The following PANX3 variants were observed in gnomAD, a reference collection of about 807,000 sequenced individuals.
PANX3 encodes the protein pannexin 3, also known as pannexin-3.
PANX3 carries 18 observed loss-of-function variants against 31.5 expected under a neutral mutation model. The observed-to-expected ratio is 0.57, with a 90% CI of 0.39 to 0.85. PANX3 has a LOEUF of 0.85. Among genes scored for constraint, PANX3 ranks in the 40% least tolerant of loss-of-function variants. PANX3 has a pLI of 0.00. For synonymous variants in PANX3, 194 were observed against 201.6 expected (o/e 0.96, Z 0.32); for missense variants, 426 against 485.4 (o/e 0.88, Z 1.15).
chr11:124,617,223 TCGGGGTCTCAGCAGCCC>T, intron 2 of PANX3, 34 bp from the exon 3 acceptor site: 1 of 1,415,696 alleles, frequency 7.1e-7, no homozygotes, highest in Non-Finnish European at 9.7e-7. Context: ...GCACTGTCAC[TCGGGGTCTCAGCAGCCC>T]CGGCCTCCCT....
In PANX3 at chr11:124,618,658, T is replaced by G. The variant is rs7926158; in HGVS notation, c.540-638T>G. ...ATGTACTTTTTTTGGAGTGGGGGGGTGGGGGAGACAGGGTCTCACTCTGTT... is the reference window on the plus strand; with the variant it reads ...ATGTACTTTTTTTGGAGTGGGGGGGGGGGGGAGACAGGGTCTCACTCTGTT... On this transcript the variant is annotated intron_variant, in intron 3 of 3. Coordinates refer to ENST00000284288, the MANE Select transcript of PANX3 (RefSeq NM_052959.3). 1.7e-4 allele frequency among the ~76,000 whole-genome samples: 25 copies of G among 151,060 alleles called. No homozygotes were observed. The East Asian group carries it at 4.5e-3, about 27-fold the overall frequency.
Position 124,619,551 on chromosome 11 carries a change from A to C in PANX3, c.795A>C (p.Ser265=). Reference sequence around the variant, plus strand: ...ATCTGATCACATGCAGGCTGACATCACTGTCCATTTTCCAGATTGTTAGCC... The same window carrying C: ...ATCTGATCACATGCAGGCTGACATCCCTGTCCATTTTCCAGATTGTTAGCC... The part of the protein sequence containing the change: ...VPNLITCRLT[S]LSIFQIVSLS... The change falls in exon 4 of 4, where the codon TCA becomes TCC. Residue 265 remains serine (S), a synonymous_variant. Transcript: ENST00000284288. The C allele has an allele frequency of 1.2e-6, 2 of 1,614,184 alleles. No individual in the cohort carries two copies. Among genetic ancestry groups the C allele is most frequent in the Non-Finnish European group, 1.7e-6 (2 of 1,180,046 alleles).
At chr11:124,612,826 C>T (rs1039845927) in intron 1 of PANX3, among the ~76,000 whole-genome samples, 154 bp from the exon 2 acceptor site, 2 of 152,164 alleles carry the variant, frequency 1.3e-5, no homozygotes, top group South Asian at 2.1e-4. Context: ...CCTGTCCTAC[C>T]GTGACATGGC....
rs1414247794 is a variant in PANX3, at chr11:124,616,879, C to T, written c.325-395C>T. Among the ~76,000 whole-genome samples the T allele has an allele frequency of 6.6e-6, 1 of 152,022 alleles. No homozygotes were observed. The highest frequency in any genetic ancestry group is 1.5e-5 in the Non-Finnish European group (1 of 67,990). Reference sequence around the variant, plus strand: ...TTGAGGGAGGTAGGCAGATGGCTCTCTCTCTCCTTTTCTCTCTCTCTCTCT... The same window carrying T: ...TTGAGGGAGGTAGGCAGATGGCTCTTTCTCTCCTTTTCTCTCTCTCTCTCT... On this transcript the variant is annotated intron_variant, in intron 2 of 3. Coordinates refer to ENST00000284288, the MANE Select transcript of PANX3 (RefSeq NM_052959.3). The surrounding 1 kb of genome is among the most constrained non-coding windows in gnomAD (Gnocchi z 4.8).
Position 124,619,470 on chromosome 11 carries a change from A to T in PANX3, c.714A>T (p.Glu238Asp). Residue 238 changes from glutamate to aspartate, a missense_variant, in exon 4 of 4, where the codon GAA (glutamate) becomes GAT (aspartate). By Grantham distance (45) the Glu-to-Asp change is conservative. Transcript: ENST00000284288. ...GHFHLDVFFQ[E>D]EFSCSIKTGL... ...TCCATCTGGATGTCTTCTTCCAGGA[A>T]GAATTCAGCTGCTCCATCAAGACAG... The T allele has an allele frequency of 6.2e-7, 1 of 1,614,196 alleles. No individual in the cohort carries two copies. The highest frequency in any genetic ancestry group is 8.5e-7 in the Non-Finnish European group (1 of 1,180,042).
At chr11:124,618,402 G>C (rs1336738579) in intron 3 of PANX3, among the ~76,000 whole-genome samples, 1 of 152,132 alleles carries the variant, frequency 6.6e-6, no homozygotes, top group Admixed American at 6.5e-5. Context: ...AGCCACTGTG[G>C]TTTGTGTCCA....
At position 124,620,146 on chromosome 11, in the gene PANX3, G is replaced by A. The variant is rs561936547; in HGVS notation, c.*211G>A. ...TAAATGTGAAAGCTGGAGCCGAAGA[G>A]TCAAAGAGCTAAAAAATTAAGTCTA... On this transcript the variant is annotated 3_prime_UTR_variant, in exon 4 of 4. Transcript: ENST00000284288. The A allele has an allele frequency of 1.5e-5, 9 of 581,872 alleles. No individual in the cohort carries two copies. The highest frequency in any genetic ancestry group is 7.2e-5 in the Admixed American group (2 of 27,782). The allele number at this position is 581,872 out of a possible 1,614,324, so 36.0% of individuals were successfully genotyped here.
chr11:124,613,148 G>A, intron 2 of PANX3, 26 bp downstream of exon 2: 2 of 1,607,562 alleles, frequency 1.2e-6, no homozygotes, highest in Non-Finnish European at 1.7e-6. Flanking sequence ...TGTAAGGCCA[G>A]CTTCACGGCT....
rs760385988 is a variant in PANX3 at position 124,619,689 on chromosome 11, T to C, written c.933T>C (p.Phe311=). The C allele has an allele frequency of 1.2e-6, 2 of 1,614,228 alleles. No homozygotes were observed. The highest frequency in any genetic ancestry group is 1.1e-5 in the South Asian group (1 of 91,078). The part of the protein sequence containing the change: ...LLSVYEMLPA[F]DLLSRKMLGC... ...CTGTCTATGAGATGCTCCCAGCTTTTGATCTCCTCAGCAGAAAGATGCTAG... is the reference window on the plus strand; with the variant it reads ...CTGTCTATGAGATGCTCCCAGCTTTCGATCTCCTCAGCAGAAAGATGCTAG... Residue 311 remains phenylalanine, a synonymous_variant, in exon 4 of 4, where the codon TTT becomes TTC. Coordinates refer to ENST00000284288, the MANE Select transcript of PANX3 (RefSeq NM_052959.3).
chr11:124,617,395 A>T lies in PANX3; in HGVS notation c.446A>T (p.Lys149Ile). Residue 149 changes from lysine to isoleucine, a missense_variant, in exon 3 of 4, where the codon AAA (lysine) becomes ATA (isoleucine). By Grantham distance (102) the Lys-to-Ile change is moderately radical. Transcript: ENST00000284288. The stretch of plus-strand genomic sequence containing the variant: ...CTGTTCATCATCAGCGAACTGGACA[A>T]ATCTTATAATCGCTCCATCCGCCTC... ...DLLFIISELD[K>I]SYNRSIRLVQ... The T allele has an allele frequency of 6.2e-7, 1 of 1,614,160 alleles. No individual in the cohort carries two copies. The highest frequency in any genetic ancestry group is 8.5e-7 in the Non-Finnish European group (1 of 1,180,050).
chr11:124,619,202 T>C, intron 3 of PANX3, 94 bp from the exon 4 acceptor site: 1 of 1,340,276 alleles, frequency 7.5e-7, no homozygotes, highest in Non-Finnish European at 1.0e-6. Context: ...GAATGCCATG[T>C]TGAAAACAGA....
chr11:124,619,976 C>T lies in PANX3; in HGVS notation c.*41C>T. On this transcript the variant is annotated 3_prime_UTR_variant, in exon 4 of 4. Coordinates refer to ENST00000284288, the MANE Select transcript of PANX3 (RefSeq NM_052959.3). ...GCAAGAAAGCTTGTGGAAAGTCTCT[C>T]TCCTTCCTCATAAGACATGCACACT... 1 of 1,548,052 alleles carries T rather than the reference C, an allele frequency of 6.5e-7. No homozygotes were observed. The highest frequency in any genetic ancestry group is 1.3e-5 in the South Asian group (1 of 78,952).
intron 2 of PANX3, among the ~76,000 whole-genome samples, chr11:124,615,418 G>A (rs1439344675): frequency 6.6e-6 from 1 of 152,096 alleles, no homozygotes; most frequent in African/African-American, 2.4e-5. Flanking sequence ...AATCAATTAT[G>A]TATCCTCCCT....
At chr11:124,615,239 A>G (rs1484895164) in intron 2 of PANX3, among the ~76,000 whole-genome samples, 1 of 151,422 alleles carries the variant, frequency 6.6e-6, no homozygotes, top group Non-Finnish European at 1.5e-5. Context: ...CCCGCCACCA[A>G]GCCCAGCTAA....
At chr11:124,618,156 A>C (rs933609912) in intron 3 of PANX3, among the ~76,000 whole-genome samples, 5 of 152,210 alleles carry the variant, frequency 3.3e-5, no homozygotes, top group Non-Finnish European at 5.9e-5. Context: ...AAGTGGGGCA[A>C]GAGGAAGCTG....
At chr11:124,619,019 CT>C (rs1033332672) in intron 3 of PANX3, among the ~76,000 whole-genome samples, 3 of 152,178 alleles carry the variant, frequency 2.0e-5, no homozygotes, top group African/African-American at 7.2e-5. Flanking sequence ...CAGCTTAGAA[CT>C]TTAGTCCGCC....
At position 124,620,141 on chromosome 11, in the gene PANX3, G is replaced by A. The variant is rs756353020; in HGVS notation, c.*206G>A. The stretch of plus-strand genomic sequence containing the variant: ...GGAAATAAATGTGAAAGCTGGAGCC[G>A]AAGAGTCAAAGAGCTAAAAAATTAA... On this transcript the variant is annotated 3_prime_UTR_variant, in exon 4 of 4. Transcript: ENST00000284288. 1.6e-4 allele frequency: 99 copies of A among 613,734 alleles called. No homozygotes were observed. Among genetic ancestry groups the A allele is most frequent in the Middle Eastern group, 4.3e-4 (1 of 2,340 alleles). 38.0% of individuals were successfully genotyped at this position (613,734 alleles called of 1,614,324 possible).
chr11:124,613,255 A>T (rs1265279508), intron 2 of PANX3, 133 bp downstream of exon 2: 2 of 1,128,602 alleles, frequency 1.8e-6, no homozygotes, highest in East Asian at 5.4e-5. Flanking sequence ...TTCATGTTTC[A>T]GGCATTCTCT....
rs763626190 is a variant in PANX3, at chr11:124,611,661, C to T, written c.105C>T (p.Asp35=). The T allele has an allele frequency of 4.3e-6, 7 of 1,614,204 alleles. No homozygotes were observed. Among genetic ancestry groups the T allele is most frequent in the Non-Finnish European group, 2.5e-6 (3 of 1,180,020 alleles). The change falls in exon 1 of 4, where the codon GAC becomes GAT. Residue 35 remains aspartate, a synonymous_variant. Transcript: ENST00000284288. The part of the protein sequence containing the change: ...LKGLRLELPL[D]RIVKFVAVGS... ...GACTGCGTCTGGAACTGCCCCTGGA[C>T]CGGATAGTCAAGTTCGTAGCTGTGG... is the stretch of plus-strand genomic sequence containing the variant.
Sources: gnomAD v4.1 joint callset for allele counts (sites outside exome capture counted in the v4.1 genomes callset) on GRCh38, gnomAD v4.1.1 for gene constraint, Gnocchi (gnomAD v3.1) non-coding constraint, MANE v1.5 for transcripts, NCBI Gene and HGNC (gene_info 2026-07-23, HGNC 2026-07-21) for gene names.